Variants in NF1 observed in about 807,000 individuals in gnomAD.
NF1 encodes neurofibromin 1, also known as neurofibromin.
In NF1, 122 loss-of-function variants were observed where a neutral mutation model predicts 325.7. That is an observed-to-expected ratio of 0.37 (90% CI 0.32 to 0.44). The LOEUF (loss-of-function observed/expected upper bound fraction) is 0.44. NF1 is among the 20% of genes least tolerant of loss of function. The pLI is 1.00. For synonymous variants in NF1, 1,091 were observed against 1,186.0 expected, an observed-to-expected ratio of 0.92 and a Z score of 1.65; for missense variants, 2,140 against 3,415.4, an observed-to-expected ratio of 0.63 and a Z score of 9.31.
chr17:31,277,367 G>A (rs576039177), intron 36 of NF1, among the ~76,000 whole-genome samples: 2 of 152,264 alleles, frequency 1.3e-5, no homozygotes, highest in South Asian at 2.1e-4. Context: ...TCAGTGGAGG[G>A]GGTCTCCAAG....
chr17:31,131,566 A>T (rs1412926023), intron 1 of NF1, among the ~76,000 whole-genome samples: 3 of 152,248 alleles, frequency 2.0e-5, no homozygotes, highest in African/African-American at 7.2e-5. Flanking sequence ...AGATGTTCCT[A>T]CTGGCTGCAG....
chr17:31,211,248 A>G (rs1219864067), intron 12 of NF1, among the ~76,000 whole-genome samples: 2 of 152,208 alleles, frequency 1.3e-5, no homozygotes, highest in Non-Finnish European at 2.9e-5. Flanking sequence ...TCAACTAATG[A>G]ATGAATGAAT....
chr17:31,209,528 C>T (rs2066686452), intron 12 of NF1, among the ~76,000 whole-genome samples: 1 of 152,208 alleles, frequency 6.6e-6, no homozygotes, highest in African/African-American at 2.4e-5. Flanking sequence ...TCTGATTCTT[C>T]CACAAGGTGG....
At chr17:31,277,171 AG>A (rs1009906457) in intron 36 of NF1, among the ~76,000 whole-genome samples, 15 of 152,154 alleles carry the variant, frequency 9.9e-5, no homozygotes, top group African/African-American at 3.6e-4. Context: ...GAGAAAGAAG[AG>A]GGATTGGTCT....
intron 57 of NF1, among the ~76,000 whole-genome samples, chr17:31,372,736 T>A (rs1046508719): frequency 4.6e-5 from 7 of 152,102 alleles, no homozygotes; most frequent in Non-Finnish European, 1.0e-4. Flanking sequence ...TTAATTGGGG[T>A]GGGGTGCAGT....
intron 1 of NF1, among the ~76,000 whole-genome samples, chr17:31,104,350 T>C (rs1015245675): frequency 6.6e-6 from 1 of 151,978 alleles, no homozygotes; most frequent in African/African-American, 2.4e-5. Context: ...ATTTTGGAGG[T>C]GTGTGTGTAT....
chr17:31,163,604 A>G (rs1051716340), intron 4 of NF1, among the ~76,000 whole-genome samples: 5 of 152,146 alleles, frequency 3.3e-5, no homozygotes, highest in Non-Finnish European at 7.3e-5. Context: ...TTATGCATTA[A>G]TATCTTTGAC....
In NF1 at chr17:31,294,685, G is replaced by C. The variant is rs2068423120; in HGVS notation, c.4835+29346G>C. The C allele has an allele frequency of 8.2e-6, 3 of 367,876 alleles. No homozygotes were observed. The Admixed American group carries it at 1.2e-4, about 15-fold the overall frequency. 22.8% of individuals were successfully genotyped at this position (367,876 alleles called of 1,614,324 possible). A position where few individuals can be genotyped will look rare whatever the true frequency, so the allele number is the denominator to read the frequency against. On this transcript the variant is annotated intron_variant, in intron 36 of 57. Transcript: ENST00000358273. ...CCTTTTATTTTCCAGATGTTTGACA[G>C]TGTAAACATACATAAAATACATATT...
At position 31,277,173 on chromosome 17, in the gene NF1, G is replaced by A. The variant is rs77640747; in HGVS notation, c.4835+11834G>A. ...TGAGTAGGTGGAGGAGAAAGAAGAGGGATTGGTCTTACTGTCCCCGGGCTG... is the reference window on the plus strand; with the variant it reads ...TGAGTAGGTGGAGGAGAAAGAAGAGAGATTGGTCTTACTGTCCCCGGGCTG... On this transcript the variant is annotated intron_variant, in intron 36 of 57. Transcript: ENST00000358273. 1.6e-4 allele frequency among the ~76,000 whole-genome samples: 24 copies of A among 152,210 alleles called. No homozygotes were observed. The East Asian group carries it at 4.3e-3, about 27-fold the overall frequency.
chr17:31,183,829 T>C (rs2066182524), intron 8 of NF1, among the ~76,000 whole-genome samples: 2 of 152,304 alleles, frequency 1.3e-5, no homozygotes, highest in Middle Eastern at 3.4e-3. Flanking sequence ...ATCTTTCTCC[T>C]GTGTTGGATG....
At chr17:31,117,672 CAAAAAA>C (rs780828438) in intron 1 of NF1, among the ~76,000 whole-genome samples, 112 of 19,788 alleles carry the variant, frequency 5.7e-3, no homozygotes, top group East Asian at 9.4e-3. Context: ...AACTCCATCT[CAAAAAA>C]AAAAAAAAAA....
chr17:31,291,461 A>G (rs2068342017), intron 36 of NF1, among the ~76,000 whole-genome samples: 2 of 152,034 alleles, frequency 1.3e-5, no homozygotes, highest in African/African-American at 4.8e-5. Context: ...TTTGTTTTGG[A>G]ATTTCCCAAA....
intron 56 of NF1, 125 bp downstream of exon 56, chr17:31,359,140 T>C: frequency 1.2e-6 from 1 of 815,822 alleles, no homozygotes; most frequent in South Asian, 1.6e-5. Flanking sequence ...AACACATATG[T>C]TACTTTTATA....
At chr17:31,276,843 A>G (rs966919824) in intron 36 of NF1, among the ~76,000 whole-genome samples, 3 of 152,176 alleles carry the variant, frequency 2.0e-5, no homozygotes, top group Non-Finnish European at 1.5e-5. Flanking sequence ...ATGATGTACA[A>G]TCGACCCTTG....
At chr17:31,281,194 T>C (rs536226156) in intron 36 of NF1, among the ~76,000 whole-genome samples, 4 of 152,348 alleles carry the variant, frequency 2.6e-5, no homozygotes, top group South Asian at 4.1e-4. Flanking sequence ...GCTGACCTTG[T>C]ATTCTGAAAA....
At chr17:31,320,591 T>C (rs1169748636) in intron 36 of NF1, 1 of 570,170 alleles carries the variant, frequency 1.8e-6, no homozygotes, top group Non-Finnish European at 3.1e-6. Flanking sequence ...TAATAAACAA[T>C]GCTAACTGGA....
At chr17:31,316,267 C>T (rs1183809296) in intron 36 of NF1, among the ~76,000 whole-genome samples, 2 of 152,070 alleles carry the variant, frequency 1.3e-5, no homozygotes, top group Non-Finnish European at 1.5e-5. Flanking sequence ...AACTAAATGA[C>T]TTTTAAATTT....
At chr17:31,140,782 A>G (rs1192039059) in intron 1 of NF1, among the ~76,000 whole-genome samples, 1 of 152,214 alleles carries the variant, frequency 6.6e-6, no homozygotes, top group African/African-American at 2.4e-5. Context: ...CAGCCTTTAA[A>G]AAGAAGGATA....
In NF1 at chr17:31,095,169, C is replaced by A; in HGVS notation, c.-141C>A. Reference sequence around the variant, plus strand: ...TCGGCGCTGACCCCCCATCCCCACCCCCGTGGGAACACTGGGAGCCTGCAC... The same window carrying A: ...TCGGCGCTGACCCCCCATCCCCACCACCGTGGGAACACTGGGAGCCTGCAC... On this transcript the variant is annotated 5_prime_UTR_variant, in exon 1 of 58. Transcript: ENST00000358273. 1.4e-6 allele frequency: 1 copy of A among 722,114 alleles called. No homozygotes were observed. 44.7% of individuals were successfully genotyped at this position (722,114 alleles called of 1,614,324 possible).
Sources: gnomAD v4.1 joint callset for allele counts (sites outside exome capture counted in the v4.1 genomes callset) on GRCh38, gnomAD v4.1.1 for gene constraint, MANE v1.5 for transcripts, NCBI Gene and HGNC (gene_info 2026-07-23, HGNC 2026-07-21) for gene names.